The following CADM2 variants were observed in gnomAD, a reference collection of about 807,000 sequenced individuals.
CADM2 encodes the protein immunoglobulin superfamily member 4D.
Under a neutral mutation model 49.8 loss-of-function variants are expected in CADM2, and 12 were observed. The ratio of observed to expected loss-of-function variants is 0.24; its 90% CI spans 0.15 to 0.39. The LOEUF is 0.39. Among genes scored for constraint, CADM2 ranks in the 10% least tolerant of loss-of-function variants. The probability of loss-of-function intolerance (pLI) is 1.00; values close to 1 mark genes in which losing one functional copy is unlikely to be tolerated. For synonymous variants in CADM2, 214 were observed against 175.4 expected, an observed-to-expected ratio of 1.22 and a Z score of -1.74; for missense variants, 378 against 492.3, an observed-to-expected ratio of 0.77 and a Z score of 2.20.
chr3:85,576,141 A>G (rs190299398), intron 1 of CADM2, among the ~76,000 whole-genome samples: 16 of 152,322 alleles, frequency 1.1e-4, no homozygotes, highest in African/African-American at 3.4e-4. Flanking sequence ...TTGTTTTAAC[A>G]TAATTTATTT....
In CADM2 at chr3:85,083,956, C is replaced by G. The variant is rs1350370719; in HGVS notation, c.61+124288C>G. On this transcript the variant is annotated intron_variant, in intron 1 of 9. Coordinates refer to ENST00000383699, the MANE Select transcript of CADM2 (RefSeq NM_001167675.2). The stretch of plus-strand genomic sequence containing the variant: ...AATGATCGATTGCATTTCTACCCAC[C>G]ATAAATACTTTTACTGATATACTGA... Among the ~76,000 whole-genome samples, 3 of 152,218 alleles carry G rather than the reference C, an allele frequency of 2.0e-5. No individual in the cohort carries two copies. The East Asian group carries it at 5.8e-4, about 29-fold the overall frequency.
chr3:85,536,870 C>T (rs1346072364), intron 1 of CADM2, among the ~76,000 whole-genome samples: 1 of 151,776 alleles, frequency 6.6e-6, no homozygotes, highest in Non-Finnish European at 1.5e-5. Context: ...TGTAATATAA[C>T]ATTTACCAAA....
chr3:84,959,774 C>A, intron 1 of CADM2, 106 bp downstream of exon 1: 1 of 1,039,286 alleles, frequency 9.6e-7, no homozygotes, highest in Admixed American at 2.0e-5. Context: ...CTGTCCCCAG[C>A]GATTTCCACC....
In CADM2 at chr3:85,651,984, C is replaced by CTTTTTTTTATT. The variant is rs1553655231; in HGVS notation, c.62-74530_62-74529insATTTTTTTTTT. On this transcript the variant is annotated intron_variant, in intron 1 of 9. Transcript: ENST00000383699. ...AGGCGCCTGCCACCACGCCCGGCTA[C>CTTTTTTTTATT]TTTTTTTTTTTTTAATTAGAGACGG... 6.6e-5 allele frequency among the ~76,000 whole-genome samples: 7 copies of CTTTTTTTTATT among 105,492 alleles called. No homozygotes were observed. In the East Asian group the frequency reaches 2.0e-3, roughly 30 times the overall value. 69.2% of individuals were successfully genotyped at this position (105,492 alleles called of 152,430 possible). A position where few individuals can be genotyped will look rare whatever the true frequency, so the allele number is the denominator to read the frequency against.
At chr3:85,988,674 T>C (rs571309246) in intron 8 of CADM2, among the ~76,000 whole-genome samples, 2 of 152,240 alleles carry the variant, frequency 1.3e-5, no homozygotes, top group South Asian at 4.1e-4. Context: ...AGAACAGAAA[T>C]TAAACTCTCT....
rs573332223 is a variant in CADM2, at chr3:85,338,297, A to G, written c.61+378629A>G. ...AAAAAAATTTATTAGATACATGTCA[A>G]TTTTCATCTGTTTAGTGAAAATACT... On this transcript the variant is annotated intron_variant, in intron 1 of 9. Transcript: ENST00000383699. 5.6e-4 allele frequency among the ~76,000 whole-genome samples: 85 copies of G among 151,726 alleles called. 1 individual carries two copies. The highest frequency in any genetic ancestry group is 2.5e-3 in the South Asian group (12 of 4,820).
intron 3 of CADM2, chr3:85,827,929 G>T: frequency 6.6e-6 from 1 of 151,948 alleles, no homozygotes; most frequent in Non-Finnish European, 1.5e-5. Context: ...GTCTGAAGTT[G>T]GTTATGGACA....
At chr3:85,184,775 G>T (rs925126573) in intron 1 of CADM2, among the ~76,000 whole-genome samples, 1 of 152,104 alleles carries the variant, frequency 6.6e-6, no homozygotes, top group Admixed American at 6.6e-5. Context: ...TGCATTGCTT[G>T]TGATAGTAAG....
chr3:85,728,858 G>A (rs979553724), intron 2 of CADM2, among the ~76,000 whole-genome samples: 3 of 152,006 alleles, frequency 2.0e-5, no homozygotes, highest in Non-Finnish European at 4.4e-5. Context: ...ACAGTTGGTG[G>A]GTATTTAGGT....
chr3:85,591,567 CA>C (rs1342120162), intron 1 of CADM2, among the ~76,000 whole-genome samples: 1 of 151,944 alleles, frequency 6.6e-6, no homozygotes, highest in Non-Finnish European at 1.5e-5. Flanking sequence ...TTTGTAAACA[CA>C]AGGGAATGTT....
At chr3:84,978,898 A>G (rs1033980766) in intron 1 of CADM2, among the ~76,000 whole-genome samples, 1 of 152,142 alleles carries the variant, frequency 6.6e-6, no homozygotes, top group Non-Finnish European at 1.5e-5. Flanking sequence ...TCTCATTTCA[A>G]CCCTATTTAA....
chr3:85,655,001 A>G (rs1404348983), intron 1 of CADM2, among the ~76,000 whole-genome samples: 2 of 152,192 alleles, frequency 1.3e-5, no homozygotes, highest in Non-Finnish European at 1.5e-5. Flanking sequence ...TCAGTTAACA[A>G]AGTGGCCCAA....
chr3:85,874,440 T>G (rs1711541120), intron 3 of CADM2, among the ~76,000 whole-genome samples: 1 of 152,178 alleles, frequency 6.6e-6, no homozygotes, highest in Non-Finnish European at 1.5e-5. Context: ...ATTTCCATAA[T>G]AGCATGACAT....
At chr3:85,362,397 G>A (rs895163276) in intron 1 of CADM2, among the ~76,000 whole-genome samples, 2 of 152,076 alleles carry the variant, frequency 1.3e-5, no homozygotes, top group African/African-American at 2.4e-5. Flanking sequence ...TCAAATAACT[G>A]TATCTGCATT....
At chr3:85,680,815 A>T (rs910939179) in intron 1 of CADM2, among the ~76,000 whole-genome samples, 1 of 152,128 alleles carries the variant, frequency 6.6e-6, no homozygotes, top group Non-Finnish European at 1.5e-5. Context: ...GGCTGCAAAA[A>T]TGGTACAATC....
chr3:85,635,457 C>T (rs1357665410), intron 1 of CADM2, among the ~76,000 whole-genome samples: 4 of 152,038 alleles, frequency 2.6e-5, no homozygotes, highest in African/African-American at 9.7e-5. Context: ...AAGTCTTATA[C>T]CTCCGATGGT....
At chr3:85,881,278 T>C (rs1436676861) in intron 3 of CADM2, among the ~76,000 whole-genome samples, 1 of 151,470 alleles carries the variant, frequency 6.6e-6, no homozygotes. Flanking sequence ...AGGTTTTCTG[T>C]TTTTTTTATT....
intron 1 of CADM2, among the ~76,000 whole-genome samples, chr3:85,686,314 A>T (rs2066213894): frequency 1.3e-5 from 2 of 152,194 alleles, no homozygotes. Flanking sequence ...TATTGAAAAA[A>T]ATGCAATATT....
chr3:85,983,106 A>T (rs905489780), intron 8 of CADM2, among the ~76,000 whole-genome samples: 2 of 151,732 alleles, frequency 1.3e-5, no homozygotes, highest in African/African-American at 4.8e-5. Flanking sequence ...TGTTAAACCA[A>T]TTTAAAATAC....
Sources: allele counts gnomAD v4.1 joint callset (sites outside exome capture counted in the v4.1 genomes callset), GRCh38; gene constraint gnomAD v4.1.1; transcripts MANE v1.5; gene names NCBI Gene and HGNC (gene_info 2026-07-23, HGNC 2026-07-21).